The following SPOCK3 variants were observed in gnomAD, a reference collection of about 807,000 sequenced individuals.
The protein encoded by SPOCK3 is SPARC (osteonectin), cwcv and kazal like domains proteoglycan 3, also known as testican-3.
In SPOCK3, 30 loss-of-function variants were observed where a neutral mutation model predicts 56.6. The ratio of observed to expected loss-of-function variants is 0.53; its 90% CI spans 0.40 to 0.72. SPOCK3 has a LOEUF of 0.72. SPOCK3 is among the 30% of genes least tolerant of loss of function. SPOCK3 has a pLI of 0.00. For missense variants in SPOCK3, 527 were observed against 530.0 expected (o/e 0.99, Z 0.06); for synonymous variants, 196 against 183.3 (o/e 1.07, Z -0.56).
intron 2 of SPOCK3, among the ~76,000 whole-genome samples, chr4:167,068,711 C>T (rs1422575127): frequency 6.6e-6 from 1 of 151,502 alleles, no homozygotes; most frequent in African/African-American, 2.4e-5. Context: ...TTATTTTTTT[C>T]AACTGTTCCA....
At chr4:166,936,688 T>C (rs986618976) in intron 4 of SPOCK3, among the ~76,000 whole-genome samples, 16 of 152,098 alleles carry the variant, frequency 1.1e-4, no homozygotes, top group Non-Finnish European at 2.1e-4. Context: ...TACTACGTAT[T>C]TGATTTCTAT....
chr4:167,123,062 A>C (rs1010632207), intron 2 of SPOCK3, among the ~76,000 whole-genome samples: 11 of 151,952 alleles, frequency 7.2e-5, no homozygotes, highest in African/African-American at 2.6e-4. Flanking sequence ...GGGGAAAAAA[A>C]GGTAGAACAA....
intron 6 of SPOCK3, among the ~76,000 whole-genome samples, chr4:166,857,085 ACTGACTTCTTGTT>A (rs1332914844): frequency 2.0e-5 from 3 of 152,208 alleles, no homozygotes; most frequent in Non-Finnish European, 2.9e-5. Flanking sequence ...ACTCAGAGAC[ACTGACTTCTTGTT>A]CTGACTCTAC....
In SPOCK3 at chr4:166,768,529, C is replaced by A. The variant is rs573288981; in HGVS notation, c.710-13800G>T. Among the ~76,000 whole-genome samples the A allele has an allele frequency of 9.1e-4, 139 of 152,244 alleles. 1 individual carries two copies. The highest frequency in any genetic ancestry group is 1.6e-3 in the Non-Finnish European group (112 of 68,010). On this transcript the variant is annotated intron_variant, in intron 7 of 10. Transcript: ENST00000357545. Reference sequence around the variant, plus strand: ...GAATATTGGCCCCCACTCTCTTCTGCCTTTTAGAGCTTCTGTCAAGAGATC... The same window carrying A: ...GAATATTGGCCCCCACTCTCTTCTGACTTTTAGAGCTTCTGTCAAGAGATC...
At chr4:167,090,844 T>C (rs924985450) in intron 2 of SPOCK3, among the ~76,000 whole-genome samples, 1 of 152,142 alleles carries the variant, frequency 6.6e-6, no homozygotes, top group Non-Finnish European at 1.5e-5. Flanking sequence ...CCTGTTTTTT[T>C]TTTCCAAGTA....
intron 7 of SPOCK3, among the ~76,000 whole-genome samples, chr4:166,781,888 C>CA (rs1194262838): frequency 1.3e-5 from 2 of 151,946 alleles, no homozygotes; most frequent in African/African-American, 2.4e-5. Context: ...CAAAACAAAA[C>CA]AAAACACAAA....
At chr4:166,769,640 C>T (rs990870807) in intron 7 of SPOCK3, among the ~76,000 whole-genome samples, 3 of 152,130 alleles carry the variant, frequency 2.0e-5, no homozygotes, top group Non-Finnish European at 2.9e-5. Flanking sequence ...GGGTCAGGGA[C>T]CCACTTGAGG....
chr4:167,187,564 C>G (rs1462102508), intron 2 of SPOCK3, among the ~76,000 whole-genome samples: 1 of 151,820 alleles, frequency 6.6e-6, no homozygotes, highest in Non-Finnish European at 1.5e-5. Flanking sequence ...TTGCCCCAGT[C>G]TTTTTTTGCT....
intron 7 of SPOCK3, among the ~76,000 whole-genome samples, chr4:166,776,051 C>A (rs992133253): frequency 6.6e-6 from 1 of 151,986 alleles, no homozygotes; most frequent in Non-Finnish European, 1.5e-5. Context: ...AAGAGTTAAA[C>A]CAGTAATAGT....
chr4:167,019,813 T>C (rs957833150), intron 3 of SPOCK3, among the ~76,000 whole-genome samples: 23 of 152,108 alleles, frequency 1.5e-4, no homozygotes, highest in African/African-American at 4.8e-4. Context: ...TGAATTCTAA[T>C]TGATAGAACA....
chr4:167,164,076 T>TA (rs1258497402), intron 2 of SPOCK3, among the ~76,000 whole-genome samples: 4 of 152,080 alleles, frequency 2.6e-5, no homozygotes, highest in African/African-American at 9.7e-5. Context: ...TCATTTTCTT[T>TA]AAAATACTAA....
chr4:167,009,039 G>T (rs918283421), intron 3 of SPOCK3, among the ~76,000 whole-genome samples: 17 of 151,908 alleles, frequency 1.1e-4, no homozygotes, highest in Admixed American at 2.6e-4. Context: ...AAAATAAAAG[G>T]TCTTCAATTA....
chr4:166,936,319 A>G (rs1344426787), intron 4 of SPOCK3, among the ~76,000 whole-genome samples: 1 of 152,104 alleles, frequency 6.6e-6, no homozygotes, highest in Non-Finnish European at 1.5e-5. Flanking sequence ...AATCACAATT[A>G]ATTTTTAAAA....
intron 4 of SPOCK3, among the ~76,000 whole-genome samples, chr4:166,949,990 T>C (rs370193778): frequency 0.016 from 2,378 of 150,478 alleles, 40 homozygotes; most frequent in Middle Eastern, 0.048. Context: ...CATGCCAAAA[T>C]GTAAAGACCA....
intron 2 of SPOCK3, among the ~76,000 whole-genome samples, chr4:167,200,073 A>C (rs1177912998): frequency 2.6e-5 from 4 of 152,094 alleles, no homozygotes; most frequent in African/African-American, 7.2e-5. Flanking sequence ...TTTCTCCAGA[A>C]GGGAAACTCA....
chr4:167,034,707 A>G (rs181483040), intron 3 of SPOCK3, among the ~76,000 whole-genome samples: 1 of 152,260 alleles, frequency 6.6e-6, no homozygotes, highest in African/African-American at 2.4e-5. Flanking sequence ...TAAGCCAACA[A>G]TGCTGTAGCT....
chr4:167,059,223 A>C (rs1034524578), intron 3 of SPOCK3, among the ~76,000 whole-genome samples: 4 of 152,256 alleles, frequency 2.6e-5, no homozygotes, highest in East Asian at 3.9e-4. Context: ...CAACCTACAA[A>C]ATGGGAGAAA....
At chr4:167,061,566 G>T (rs1018780210) in intron 3 of SPOCK3, among the ~76,000 whole-genome samples, 3 of 151,852 alleles carry the variant, frequency 2.0e-5, no homozygotes, top group Non-Finnish European at 4.4e-5. Flanking sequence ...ATACAGCTTG[G>T]TTGTTGTAGC....
At chr4:167,143,148 G>C (rs902477732) in intron 2 of SPOCK3, among the ~76,000 whole-genome samples, 9 of 151,910 alleles carry the variant, frequency 5.9e-5, no homozygotes, top group African/African-American at 2.2e-4. Flanking sequence ...GTGTGCATAC[G>C]CTACTCAGAT....
Sources: allele counts gnomAD v4.1 joint callset (sites outside exome capture counted in the v4.1 genomes callset), GRCh38; gene constraint gnomAD v4.1.1; transcripts MANE v1.5; gene names NCBI Gene and HGNC (gene_info 2026-07-23, HGNC 2026-07-21).